The following ARHGAP26 variants were observed in gnomAD, a reference collection of about 807,000 sequenced individuals.
The protein encoded by ARHGAP26 is Rho GTPase activating protein 26, also known as rho GTPase-activating protein 26.
Under a neutral mutation model 104.8 loss-of-function variants are expected in ARHGAP26, and 38 were observed. The ratio of observed to expected loss-of-function variants is 0.36; its 90% CI spans 0.28 to 0.48. ARHGAP26 has a LOEUF of 0.48. Among genes scored for constraint, ARHGAP26 ranks in the 20% least tolerant of loss-of-function variants. ARHGAP26 has a pLI of 0.99. For synonymous variants in ARHGAP26, 341 were observed against 340.0 expected (o/e 1.00, Z -0.03); for missense variants, 704 against 947.9 (o/e 0.74, Z 3.38).
intron 9 of ARHGAP26, 30 bp downstream of exon 9, chr5:142,907,834 A>G: frequency 6.6e-7 from 1 of 1,513,706 alleles, no homozygotes. Context: ...TTGATGTTTG[A>G]TTTGCTTGGC....
intron 11 of ARHGAP26, among the ~76,000 whole-genome samples, chr5:142,966,369 C>T (rs1220257438): frequency 6.6e-6 from 1 of 152,104 alleles, no homozygotes; most frequent in South Asian, 2.1e-4. Context: ...CTTTGACATA[C>T]CTGATCTCAT....
intron 1 of ARHGAP26, among the ~76,000 whole-genome samples, chr5:142,840,181 T>C (rs1393469640): frequency 2.7e-5 from 4 of 150,516 alleles, no homozygotes; most frequent in Non-Finnish European, 4.4e-5. Flanking sequence ...TGGGTAGTTT[T>C]TGAGGTCCTT....
At chr5:142,919,957 G>A (rs902067315) in intron 10 of ARHGAP26, among the ~76,000 whole-genome samples, 2 of 152,152 alleles carry the variant, frequency 1.3e-5, no homozygotes, top group Non-Finnish European at 1.5e-5. Flanking sequence ...AGCTGAGATC[G>A]CGCCACCACA....
intron 3 of ARHGAP26, among the ~76,000 whole-genome samples, chr5:142,875,917 G>T (rs1756015493): frequency 6.6e-6 from 1 of 152,036 alleles, no homozygotes; most frequent in Admixed American, 6.6e-5. Context: ...ATTTATTTTT[G>T]TTTTTTGTAG....
chr5:143,013,883 T>G (rs925318722), intron 11 of ARHGAP26, among the ~76,000 whole-genome samples, 197 bp from the exon 12 acceptor site: 1 of 152,224 alleles, frequency 6.6e-6, no homozygotes, highest in African/African-American at 2.4e-5. Flanking sequence ...ATGATTCTGA[T>G]GCACACACAC....
intron 1 of ARHGAP26, among the ~76,000 whole-genome samples, chr5:142,775,843 G>A (rs1431778762): frequency 6.6e-6 from 1 of 152,142 alleles, no homozygotes; most frequent in East Asian, 1.9e-4. Flanking sequence ...TTATTGTTGA[G>A]TTTTAATTAT....
chr5:143,007,123 A>C (rs1008239461), intron 11 of ARHGAP26, among the ~76,000 whole-genome samples: 1 of 145,776 alleles, frequency 6.9e-6, no homozygotes, highest in East Asian at 2.1e-4. Flanking sequence ...TGAACCCAGG[A>C]GGCAGAAGTT....
chr5:142,993,683 G>C (rs918748549), intron 11 of ARHGAP26, among the ~76,000 whole-genome samples: 1 of 151,986 alleles, frequency 6.6e-6, no homozygotes, highest in African/African-American at 2.4e-5. Flanking sequence ...CTGTCACCCA[G>C]ACTGGAGTGC....
intron 18 of ARHGAP26, among the ~76,000 whole-genome samples, chr5:143,131,353 C>T (rs1446957058): frequency 6.6e-6 from 1 of 152,100 alleles, no homozygotes; most frequent in Non-Finnish European, 1.5e-5. Flanking sequence ...GTTATTTTTG[C>T]TCCCATTGTA....
chr5:142,953,832 T>TGC (rs1297598991), intron 11 of ARHGAP26, among the ~76,000 whole-genome samples: 1 of 152,222 alleles, frequency 6.6e-6, no homozygotes, highest in African/African-American at 2.4e-5. Context: ...ACCATCTGCC[T>TGC]GAGATAGGGG....
rs1007003015 is a variant in ARHGAP26, at chr5:143,076,341, T to A, written c.1538+18594T>A. 2.6e-5 allele frequency among the ~76,000 whole-genome samples: 4 copies of A among 152,122 alleles called. No individual in the cohort carries two copies. In the East Asian group the frequency reaches 7.7e-4, roughly 29 times the overall value. On this transcript the variant is annotated intron_variant, in intron 17 of 22. Coordinates refer to ENST00000645722, the MANE Select transcript of ARHGAP26 (RefSeq NM_001135608.3). ...AGCCCCTGAAGTATACTGCACTTTTTAAAATTCTCTAAGACAATGTAAAGG... is the reference window on the plus strand; with the variant it reads ...AGCCCCTGAAGTATACTGCACTTTTAAAAATTCTCTAAGACAATGTAAAGG...
At chr5:143,114,092 A>G (rs1291300185) in intron 17 of ARHGAP26, among the ~76,000 whole-genome samples, 4 of 152,160 alleles carry the variant, frequency 2.6e-5, no homozygotes, top group African/African-American at 9.7e-5. Context: ...TCCTGTTAGG[A>G]GACACTGTGT....
intron 10 of ARHGAP26, among the ~76,000 whole-genome samples, chr5:142,927,313 C>T (rs1387195663): frequency 2.8e-5 from 4 of 145,260 alleles, no homozygotes; most frequent in Non-Finnish European, 6.0e-5. Context: ...TTCTCAGTCA[C>T]TGCCCATATC....
At chr5:143,009,931 A>ATTATATTAAGTT (rs200553256) in intron 11 of ARHGAP26, among the ~76,000 whole-genome samples, 2 of 152,150 alleles carry the variant, frequency 1.3e-5, no homozygotes, top group African/African-American at 4.8e-5. Context: ...TTGCTCCTGG[A>ATTATATTAAGTT]GAGTTGAGTT....
chr5:143,014,258 C>G (rs1168772648), intron 12 of ARHGAP26, 142 bp downstream of exon 12: 1 of 857,064 alleles, frequency 1.2e-6, no homozygotes, highest in African/African-American at 1.7e-5. Context: ...GGACATGCCT[C>G]CACCCCAACT....
intron 20 of ARHGAP26, among the ~76,000 whole-genome samples, chr5:143,154,518 G>T (rs765962104): frequency 2.6e-4 from 40 of 152,200 alleles, no homozygotes; most frequent in Admixed American, 2.6e-3. Context: ...CTCAGCCATG[G>T]TATGTATTTT....
At chr5:142,900,352 T>C (rs1760132930) in intron 6 of ARHGAP26, among the ~76,000 whole-genome samples, 1 of 152,170 alleles carries the variant, frequency 6.6e-6, no homozygotes, top group Non-Finnish European at 1.5e-5. Context: ...GGTCTGTATA[T>C]GGTGCCACTG....
intron 21 of ARHGAP26, 140 bp downstream of exon 21, chr5:143,207,448 G>A (rs754844573): frequency 1.2e-6 from 2 of 1,614,020 alleles, no homozygotes; most frequent in Non-Finnish European, 1.7e-6. Context: ...TGACAGGCCA[G>A]AAGAAGCGGT....
chr5:142,934,821 T>C (rs1765193687), intron 11 of ARHGAP26, among the ~76,000 whole-genome samples: 1 of 152,120 alleles, frequency 6.6e-6, no homozygotes, highest in Non-Finnish European at 1.5e-5. Context: ...TGTTCTTTCA[T>C]TGTCCAATAA....
Sources: allele counts gnomAD v4.1 joint callset (sites outside exome capture counted in the v4.1 genomes callset), GRCh38; gene constraint gnomAD v4.1.1; transcripts MANE v1.5; gene names NCBI Gene and HGNC (gene_info 2026-07-23, HGNC 2026-07-21).